Variants in DGKB observed in about 807,000 individuals in gnomAD.
DGKB encodes diacylglycerol kinase beta.
DGKB carries 67 observed loss-of-function variants against 114.3 expected under a neutral mutation model. That is an observed-to-expected ratio of 0.59 (90% CI 0.48 to 0.72). DGKB has a LOEUF of 0.72. Ranked by LOEUF, DGKB falls within the 30% of genes least tolerant of loss-of-function variation. The probability of loss-of-function intolerance (pLI) is 0.00; values close to 1 mark genes in which losing one functional copy is unlikely to be tolerated. For synonymous variants in DGKB, 398 were observed against 323.1 expected, an observed-to-expected ratio of 1.23 and a Z score of -2.49; for missense variants, 907 against 975.2, an observed-to-expected ratio of 0.93 and a Z score of 0.93.
At position 14,188,616 on chromosome 7, in the gene DGKB, C is replaced by T. The variant is rs573502126; in HGVS notation, c.2123-10465G>A. On this transcript the variant is annotated intron_variant, in intron 23 of 25. Coordinates refer to ENST00000402815, the MANE Select transcript of DGKB (RefSeq NM_001350709.2). ...CGGAGCTTGCAGTGAGCCTAGATCC[C>T]GCCACTGCACTCCAGCCTGGGCGAC... Among the ~76,000 whole-genome samples the T allele has an allele frequency of 5.9e-3, 688 of 115,852 alleles. 40 individuals carry two copies. The highest frequency in any genetic ancestry group is 0.019 in the African/African-American group (623 of 32,142). The allele number at this position is 115,852 out of a possible 152,430, so 76.0% of individuals were successfully genotyped here. A position where few individuals can be genotyped will look rare whatever the true frequency, so the allele number is the denominator to read the frequency against.
At chr7:14,191,745 A>T (rs1784351621) in intron 23 of DGKB, 1 of 343,124 alleles carries the variant, frequency 2.9e-6, no homozygotes. Flanking sequence ...AACATTGCTG[A>T]TGACAGCAAA....
At chr7:14,842,399 G>C (rs1848061130) in intron 1 of DGKB, among the ~76,000 whole-genome samples, 1 of 151,980 alleles carries the variant, frequency 6.6e-6, no homozygotes, top group Non-Finnish European at 1.5e-5. Flanking sequence ...TGGTCTCGTG[G>C]GGTCACGTCC....
chr7:14,928,784 A>C (rs1306802614), intron 1 of DGKB, among the ~76,000 whole-genome samples: 1 of 151,910 alleles, frequency 6.6e-6, no homozygotes, highest in Non-Finnish European at 1.5e-5. Flanking sequence ...AGAATAATGT[A>C]TATTGTACCG....
At chr7:14,804,096 T>TGC (rs1476907722) in intron 2 of DGKB, among the ~76,000 whole-genome samples, 5 of 151,850 alleles carry the variant, frequency 3.3e-5, no homozygotes, top group South Asian at 4.2e-4. Context: ...TGTGTGTGTG[T>TGC]GTTTAGTAAT....
chr7:14,683,333 C>T (rs1387913338), intron 10 of DGKB, among the ~76,000 whole-genome samples: 2 of 152,154 alleles, frequency 1.3e-5, no homozygotes, highest in African/African-American at 4.8e-5. Context: ...GAGATTTCAT[C>T]ATACATGCCA....
At chr7:14,855,875 T>C (rs1263415558) in intron 1 of DGKB, among the ~76,000 whole-genome samples, 3 of 152,030 alleles carry the variant, frequency 2.0e-5, no homozygotes, top group Non-Finnish European at 2.9e-5. Flanking sequence ...TCATAAATAA[T>C]AGAAACATAA....
At chr7:14,613,147 T>C (rs1805873829) in intron 16 of DGKB, among the ~76,000 whole-genome samples, 193 bp downstream of exon 16, 10 of 152,106 alleles carry the variant, frequency 6.6e-5, no homozygotes, top group Admixed American at 6.6e-4. Flanking sequence ...GTAAAAATAG[T>C]TACAAAAGGC....
At chr7:14,944,942 A>C (rs1785787348) in intron 1 of DGKB, among the ~76,000 whole-genome samples, 1 of 151,860 alleles carries the variant, frequency 6.6e-6, no homozygotes, top group South Asian at 2.1e-4. Context: ...TACCATAATC[A>C]TATGATTATC....
intron 13 of DGKB, among the ~76,000 whole-genome samples, chr7:14,648,371 C>T (rs930269769): frequency 5.9e-5 from 9 of 152,318 alleles, no homozygotes; most frequent in African/African-American, 1.2e-4. Context: ...GGAGGCACCC[C>T]CCAGCAGGGG....
At chr7:14,234,654 A>G (rs1408330643) in intron 23 of DGKB, among the ~76,000 whole-genome samples, 1 of 152,096 alleles carries the variant, frequency 6.6e-6, no homozygotes, top group Non-Finnish European at 1.5e-5. Flanking sequence ...TTATCACCCT[A>G]TCCAGTTTTT....
chr7:14,434,347 G>A (rs1308170605), intron 21 of DGKB, among the ~76,000 whole-genome samples: 1 of 152,060 alleles, frequency 6.6e-6, no homozygotes, highest in African/African-American at 2.4e-5. Context: ...TTAAATTTTA[G>A]GATTTGGGGA....
chr7:14,304,077 ACACACACACACT>A (rs1562885195), intron 23 of DGKB, among the ~76,000 whole-genome samples: 1 of 90,440 alleles, frequency 1.1e-5, no homozygotes, highest in African/African-American at 5.4e-5. Flanking sequence ...ACACACACAC[ACACACACACACT>A]CTCTCTCTCT....
chr7:14,591,151 G>A (rs1039926984), intron 17 of DGKB, among the ~76,000 whole-genome samples: 1 of 152,146 alleles, frequency 6.6e-6, no homozygotes, highest in African/African-American at 2.4e-5. Context: ...GTGATGAGGA[G>A]CAGCTGTGAG....
intron 1 of DGKB, among the ~76,000 whole-genome samples, chr7:14,973,945 TA>T (rs1787646395): frequency 6.7e-6 from 1 of 149,708 alleles, no homozygotes; most frequent in Admixed American, 6.7e-5. Flanking sequence ...AAAATAAAAT[TA>T]AAACATACTA....
intron 23 of DGKB, among the ~76,000 whole-genome samples, chr7:14,215,341 A>G (rs1279837584): frequency 6.6e-6 from 1 of 152,142 alleles, no homozygotes; most frequent in Non-Finnish European, 1.5e-5. Context: ...TCTCAAGGGT[A>G]AAAAAGAGGC....
chr7:14,478,146 C>G lies in DGKB; in HGVS notation c.1835+15G>C. On this transcript the variant is annotated intron_variant, in intron 21 of 25. Coordinates refer to ENST00000402815, the MANE Select transcript of DGKB (RefSeq NM_001350709.2). ...AGCAACTATATCTATAATTTCATCT[C>G]TTTTGTCACCTTACCTACTGTTGAA... 6.4e-7 allele frequency: 1 copy of G among 1,572,392 alleles called. No individual in the cohort carries two copies. The highest frequency in any genetic ancestry group is 1.7e-5 in the Admixed American group (1 of 57,152).
chr7:14,730,776 G>A (rs540730138), intron 5 of DGKB, among the ~76,000 whole-genome samples: 2 of 152,270 alleles, frequency 1.3e-5, no homozygotes, highest in Non-Finnish European at 2.9e-5. Flanking sequence ...ATGTACTCAT[G>A]TATCTCCAGC....
chr7:14,207,099 G>A (rs990971241), intron 23 of DGKB, among the ~76,000 whole-genome samples: 1 of 152,008 alleles, frequency 6.6e-6, no homozygotes, highest in South Asian at 2.1e-4. Context: ...CACTTTTTAA[G>A]CAACTTCTAT....
intron 1 of DGKB, among the ~76,000 whole-genome samples, chr7:14,850,760 A>G (rs1426656895): frequency 6.6e-6 from 1 of 152,222 alleles, no homozygotes; most frequent in Admixed American, 6.5e-5. Flanking sequence ...ATTGCATATT[A>G]CTATTCATTA....
Sources: allele counts gnomAD v4.1 joint callset (sites outside exome capture counted in the v4.1 genomes callset), GRCh38; gene constraint gnomAD v4.1.1; transcripts MANE v1.5; gene names NCBI Gene and HGNC (gene_info 2026-07-23, HGNC 2026-07-21).